The following PRELID2 variants were observed in gnomAD, a reference collection of about 807,000 sequenced individuals.
The protein encoded by PRELID2 is PRELI domain-containing protein 2.
A neutral mutation model predicts 28.4 loss-of-function variants in PRELID2; 25 were observed. The observed-to-expected ratio is 0.88, with a 90% CI of 0.64 to 1.23. The LOEUF (loss-of-function observed/expected upper bound fraction) is 1.23, where lower values mean the gene tolerates loss of function less well. Among genes scored for constraint, PRELID2 ranks in the 50% most tolerant of loss-of-function variants. The pLI, the probability that PRELID2 is intolerant of heterozygous loss-of-function variation, is 0.00. For synonymous variants in PRELID2, 76 were observed against 71.6 expected, an observed-to-expected ratio of 1.06 and a Z score of -0.31; for missense variants, 201 against 214.4, an observed-to-expected ratio of 0.94 and a Z score of 0.39.
At chr5:145,635,410 A>C (rs907780569) in intron 1 of PRELID2, among the ~76,000 whole-genome samples, 2 of 152,176 alleles carry the variant, frequency 1.3e-5, no homozygotes, top group Non-Finnish European at 2.9e-5. Context: ...AATAATATTT[A>C]ATATAATATA....
chr5:145,373,419 TAA>T, the PRELID2 span, among the ~76,000 whole-genome samples: 1 of 62,718 alleles, frequency 1.6e-5, no homozygotes, highest in African/African-American at 6.5e-5. Flanking sequence ...ACAACATATA[TAA>T]TATATATGAT....
the PRELID2 span, among the ~76,000 whole-genome samples, chr5:145,424,317 G>A: frequency 6.6e-5 from 10 of 152,164 alleles, no homozygotes; most frequent in Non-Finnish European, 1.0e-4. Context: ...GGGCAATGGC[G>A]GGCGCCCCTC....
At chr5:145,337,707 A>G in the PRELID2 span, among the ~76,000 whole-genome samples, 1 of 50,740 alleles carries the variant, frequency 2.0e-5, no homozygotes, top group South Asian at 9.4e-4. Context: ...ATATATATAT[A>G]TATATATATA....
chr5:145,230,543 C>A, the PRELID2 span, among the ~76,000 whole-genome samples: 1 of 151,846 alleles, frequency 6.6e-6, no homozygotes, highest in Non-Finnish European at 1.5e-5. Context: ...TAAGCCACGG[C>A]ACTCCAGCCT....
chr5:145,821,812 G>A (rs1754853372), intron 2 of PRELID2, among the ~76,000 whole-genome samples: 1 of 152,184 alleles, frequency 6.6e-6, no homozygotes, highest in South Asian at 2.1e-4. Context: ...TTTAGAATAT[G>A]CACAGTGTTC....
At chr5:145,470,112 A>C (rs1022895652), downstream of PRELID2, among the ~76,000 whole-genome samples, 12 of 152,292 alleles carry the variant, frequency 7.9e-5, no homozygotes, top group Non-Finnish European at 1.6e-4. Flanking sequence ...AGGGTGGGAC[A>C]GTTGTCTGTT....
At chr5:145,357,159 C>T in the PRELID2 span, among the ~76,000 whole-genome samples, 1 of 152,116 alleles carries the variant, frequency 6.6e-6, no homozygotes, top group African/African-American at 2.4e-5. Context: ...TTCTCTCTAG[C>T]TGCCTTTAAC....
At chr5:145,483,121 C>T (rs930400931) in intron 1 of PRELID2, among the ~76,000 whole-genome samples, 4 of 152,058 alleles carry the variant, frequency 2.6e-5, no homozygotes, top group African/African-American at 7.2e-5. Context: ...AGATGAAGTC[C>T]AAAAATCGCC....
chr5:145,603,344 G>A (rs1018747791), intron 1 of PRELID2, among the ~76,000 whole-genome samples: 4 of 149,098 alleles, frequency 2.7e-5, no homozygotes, highest in Non-Finnish European at 4.4e-5. Flanking sequence ...GATTACTATC[G>A]ACAAAGAAGT....
At chr5:145,629,807 G>A (rs1034317819) in intron 1 of PRELID2, among the ~76,000 whole-genome samples, 28 of 152,080 alleles carry the variant, frequency 1.8e-4, no homozygotes, top group Non-Finnish European at 2.2e-4. Context: ...TGCCTCCTTC[G>A]TAATGCTTTT....
chr5:145,571,990 A>AG (rs1753018903), intron 1 of PRELID2, among the ~76,000 whole-genome samples: 1 of 151,104 alleles, frequency 6.6e-6, no homozygotes, highest in African/African-American at 2.5e-5. Context: ...TCAAAAAAAA[A>AG]AAAGAAAGAA....
At chr5:145,336,192 G>A in the PRELID2 span, among the ~76,000 whole-genome samples, 17 of 152,180 alleles carry the variant, frequency 1.1e-4, no homozygotes, top group Middle Eastern at 0.014. Flanking sequence ...CAGATGAGTA[G>A]GTTGCAAAAA....
chr5:145,450,010 C>A, the PRELID2 span, among the ~76,000 whole-genome samples: 1 of 152,044 alleles, frequency 6.6e-6, no homozygotes, highest in Non-Finnish European at 1.5e-5. Flanking sequence ...TTGCAAATGC[C>A]TAAAAATAAA....
chr5:145,278,383 C>CTTA, the PRELID2 span, among the ~76,000 whole-genome samples: 539 of 152,272 alleles, frequency 3.5e-3, 1 homozygote, highest in Middle Eastern at 6.8e-3. Context: ...GGACTAAAGT[C>CTTA]TTATCGTGAC....
chr5:145,548,655 G>A (rs1054409858), intron 1 of PRELID2, among the ~76,000 whole-genome samples: 1 of 152,036 alleles, frequency 6.6e-6, no homozygotes, highest in Non-Finnish European at 1.5e-5. Context: ...CCATCCTTGT[G>A]GTGTCTACCC....
At chr5:145,490,567 A>C (rs921563054) in intron 1 of PRELID2, among the ~76,000 whole-genome samples, 5 of 152,210 alleles carry the variant, frequency 3.3e-5, no homozygotes, top group Non-Finnish European at 5.9e-5. Flanking sequence ...ATTCTAAGGC[A>C]GTTGAAAAAA....
intron 1 of PRELID2, among the ~76,000 whole-genome samples, chr5:145,483,107 T>C (rs1213144778): frequency 6.6e-6 from 1 of 152,144 alleles, no homozygotes; most frequent in Non-Finnish European, 1.5e-5. Flanking sequence ...ACTGAAGTTG[T>C]AGTAGATGAA....
At chr5:145,317,758 C>A in the PRELID2 span, among the ~76,000 whole-genome samples, 1 of 152,170 alleles carries the variant, frequency 6.6e-6, no homozygotes, top group African/African-American at 2.4e-5. Context: ...TGTCCCTGGG[C>A]TCCAGGAACA....
intron 5 of PRELID2, among the ~76,000 whole-genome samples, chr5:145,773,616 T>A (rs1480505394): frequency 6.6e-6 from 1 of 152,208 alleles, no homozygotes; most frequent in Non-Finnish European, 1.5e-5. Context: ...CAGTGCTTCC[T>A]CACATTGAAG....
Sources: allele counts gnomAD v4.1 joint callset (sites outside exome capture counted in the v4.1 genomes callset), GRCh38; gene constraint gnomAD v4.1.1; transcripts MANE v1.5; gene names NCBI Gene and HGNC (gene_info 2026-07-23, HGNC 2026-07-21).